HIVEP3: variants seen among roughly 807,000 people sequenced by gnomAD.
The protein encoded by HIVEP3 is transcription factor HIVEP3.
In HIVEP3, 49 loss-of-function variants were observed where a neutral mutation model predicts 152.8. The ratio of observed to expected loss-of-function variants is 0.32; its 90% CI spans 0.26 to 0.41. The LOEUF (loss-of-function observed/expected upper bound fraction) is 0.41, where lower values mean the gene tolerates loss of function less well. Ranked by LOEUF, HIVEP3 falls within the 10% of genes least tolerant of loss-of-function variation. The pLI, the probability that HIVEP3 is intolerant of heterozygous loss-of-function variation, is 1.00. For missense variants in HIVEP3, 2,790 were observed against 3,103.3 expected (o/e 0.90, Z 2.40); for synonymous variants, 1,269 against 1,289.0 (o/e 0.98, Z 0.33).
chr1:41,946,070 G>A (rs903283182), intron 1 of HIVEP3, among the ~76,000 whole-genome samples: 2 of 152,192 alleles, frequency 1.3e-5, no homozygotes, highest in Admixed American at 6.5e-5. Context: ...CCTCAGGCAA[G>A]TGGACTTTGG....
chr1:41,645,387 A>G (rs1312934832), intron 2 of HIVEP3, among the ~76,000 whole-genome samples: 1 of 152,184 alleles, frequency 6.6e-6, no homozygotes, highest in Non-Finnish European at 1.5e-5. Flanking sequence ...CCTTCTTCCA[A>G]CCTGGCTCTC....
intron 2 of HIVEP3, among the ~76,000 whole-genome samples, chr1:41,698,686 C>T (rs192027948): frequency 3.9e-5 from 6 of 152,234 alleles, no homozygotes; most frequent in Admixed American, 2.6e-4. Context: ...TCCACTGGGG[C>T]CCCATGACCC....
At chr1:42,013,234 T>C (rs1258088700) in intron 1 of HIVEP3, among the ~76,000 whole-genome samples, 1 of 152,186 alleles carries the variant, frequency 6.6e-6, no homozygotes, top group Admixed American at 6.5e-5. Context: ...AGCATATCAG[T>C]CATATTGGAT....
chr1:41,888,202 ATTTTTT>A (rs61561436), intron 1 of HIVEP3, among the ~76,000 whole-genome samples: 2 of 99,202 alleles, frequency 2.0e-5, no homozygotes, highest in East Asian at 5.5e-4. Flanking sequence ...CGCCCGGCTA[ATTTTTT>A]TTTTTTTTTT....
At position 41,960,471 on chromosome 1, in the gene HIVEP3, A is replaced by C. The variant is rs189919423; in HGVS notation, n.120-41947T>G. Among the ~76,000 whole-genome samples the C allele has an allele frequency of 2.6e-5, 4 of 152,282 alleles. No homozygotes were observed. In the East Asian group the frequency reaches 5.8e-4, roughly 22 times the overall value. ...CTCCCCCAAGTGTCACTTGTGACAGACTGATACAGGGGAATAAGAGTTCAA... is the reference window on the plus strand; with the variant it reads ...CTCCCCCAAGTGTCACTTGTGACAGCCTGATACAGGGGAATAAGAGTTCAA... On this transcript the variant is annotated intron_variant and non_coding_transcript_variant, in intron 1 of 3. Transcript: ENST00000489103.
In HIVEP3 at chr1:41,536,968, T is replaced by TA. The variant is rs547175504; in HGVS notation, c.5208-12059dup. On this transcript the variant is annotated intron_variant, in intron 5 of 8. Transcript: ENST00000372583. ...TTAACTGCTGTGCAATTCTGTTTTT[T>TA]AAAAAACACTGTGTAAGTCAAATAA... Among the ~76,000 whole-genome samples the TA allele has an allele frequency of 4.6e-5, 7 of 152,280 alleles. No individual in the cohort carries two copies. The South Asian group carries it at 1.5e-3, about 32-fold the overall frequency.
At chr1:41,524,416 G>C (rs1558025243) in intron 6 of HIVEP3, among the ~76,000 whole-genome samples, 1 of 152,190 alleles carries the variant, frequency 6.6e-6, no homozygotes, top group Non-Finnish European at 1.5e-5. Context: ...AGAAGGGAGG[G>C]GAGATGAGAG....
chr1:41,907,174 G>A (rs1219492089), intron 1 of HIVEP3, among the ~76,000 whole-genome samples: 1 of 152,190 alleles, frequency 6.6e-6, no homozygotes. Context: ...AAACTACTCG[G>A]CTTTGGGAGG....
chr1:41,510,624 C>T lies in HIVEP3; in HGVS notation c.7048G>A (p.Asp2350Asn). Residue 2350 changes from aspartate (D) to asparagine (N), a missense_variant, in exon 9 of 9, where the codon GAC becomes AAC. Asp to Asn is a conservative substitution (Grantham distance 23). Coordinates refer to ENST00000372583, the MANE Select transcript of HIVEP3 (RefSeq NM_024503.5). ...NPEPSATPPLDRSSSVGCLAE... is the reference protein window; with the variant it reads ...NPEPSATPPLNRSSSVGCLAE... ...AGGCAGCCCACAGAGCTGCTGCGGT[C>T]CAGCGGCGGGGTGGCAGAAGGCTCG... The T allele has an allele frequency of 1.3e-6, 2 of 1,549,176 alleles. No homozygotes were observed. The highest frequency in any genetic ancestry group is 2.0e-5 in the Admixed American group (1 of 51,190).
chr1:41,662,762 G>A lies in HIVEP3; in HGVS notation c.-720-33815C>T, dbSNP rs1346547344. Among the ~76,000 whole-genome samples, 3 of 151,382 alleles carry A rather than the reference G, an allele frequency of 2.0e-5. No individual in the cohort carries two copies. The highest frequency in any genetic ancestry group is 3.0e-5 in the Non-Finnish European group (2 of 67,682). On this transcript the variant is annotated intron_variant, in intron 2 of 8. Transcript: ENST00000372583. The surrounding 1 kb of genome is among the most constrained non-coding windows in gnomAD (Gnocchi z 7.2). Reference sequence around the variant, plus strand: ...CTTTTCCTCCTGGGCCCTCTAGGGAGGGCAGACAGGGAAGCCCCTGTCGCC... The same window carrying A: ...CTTTTCCTCCTGGGCCCTCTAGGGAAGGCAGACAGGGAAGCCCCTGTCGCC...
chr1:41,840,098 C>T (rs144842639), intron 1 of HIVEP3, among the ~76,000 whole-genome samples: 2,863 of 152,198 alleles, frequency 0.019, 61 homozygotes, highest in Non-Finnish European at 0.023. Context: ...GCTCTCGTCG[C>T]GCCTCCTTTT....
intron 1 of HIVEP3, among the ~76,000 whole-genome samples, chr1:41,811,951 G>T (rs1650986145): frequency 6.6e-6 from 1 of 152,032 alleles, no homozygotes; most frequent in Non-Finnish European, 1.5e-5. Context: ...AGAAGCCCCC[G>T]AGTGCCCAAG....
At chr1:41,846,073 T>G (rs1038615066) in intron 1 of HIVEP3, among the ~76,000 whole-genome samples, 1 of 152,010 alleles carries the variant, frequency 6.6e-6, no homozygotes, top group South Asian at 2.1e-4. Flanking sequence ...CAAAAAGAAA[T>G]AATAAATAAA....
Position 41,889,404 on chromosome 1 carries a change from C to T in HIVEP3, c.-801+29009G>A, listed in dbSNP as rs76463157. 2.6e-3 allele frequency among the ~76,000 whole-genome samples: 401 copies of T among 152,246 alleles called. 1 individual carries two copies. Among genetic ancestry groups the T allele is most frequent in the African/African-American group, 9.2e-3 (381 of 41,526 alleles). ...ACATCATCCACCTTCTCAATGTCCCCGACACTGCCACCTCATTACCCAAAA... is the reference window on the plus strand; with the variant it reads ...ACATCATCCACCTTCTCAATGTCCCTGACACTGCCACCTCATTACCCAAAA... On this transcript the variant is annotated intron_variant, in intron 1 of 8. Transcript: ENST00000372583.
At chr1:42,016,554 C>T (rs560860081) in intron 1 of HIVEP3, among the ~76,000 whole-genome samples, 1 of 151,732 alleles carries the variant, frequency 6.6e-6, no homozygotes, top group Admixed American at 6.6e-5. Flanking sequence ...GATTTTAATA[C>T]ATGCACATAA....
intron 1 of HIVEP3, among the ~76,000 whole-genome samples, chr1:41,782,645 T>A (rs1283288923): frequency 1.3e-5 from 2 of 148,392 alleles, no homozygotes; most frequent in Non-Finnish European, 3.0e-5. Flanking sequence ...GGCAGGAGAA[T>A]CACTTGAACC....
chr1:41,706,186 G>A (rs1264756389), intron 1 of HIVEP3, among the ~76,000 whole-genome samples: 2 of 152,184 alleles, frequency 1.3e-5, no homozygotes, highest in African/African-American at 2.4e-5. Context: ...TACACTATAG[G>A]TAGTTTTTCA....
chr1:41,727,711 G>T (rs1412846828), intron 1 of HIVEP3, among the ~76,000 whole-genome samples: 3 of 152,196 alleles, frequency 2.0e-5, no homozygotes, highest in Non-Finnish European at 4.4e-5. Flanking sequence ...CAGCCCGGGT[G>T]ACTTTGGCAA....
At chr1:41,655,951 A>G (rs1307534106) in intron 2 of HIVEP3, among the ~76,000 whole-genome samples, 2 of 152,134 alleles carry the variant, frequency 1.3e-5, no homozygotes, top group Non-Finnish European at 1.5e-5. Context: ...ACACCCAAAC[A>G]TACTGTTGAA....
Sources: gnomAD v4.1 joint callset for allele counts (sites outside exome capture counted in the v4.1 genomes callset) on GRCh38, gnomAD v4.1.1 for gene constraint, Gnocchi (gnomAD v3.1) non-coding constraint, MANE v1.5 for transcripts, NCBI Gene and HGNC (gene_info 2026-07-23, HGNC 2026-07-21) for gene names.